PAK2: variants seen among roughly 807,000 people sequenced by gnomAD.
PAK2 encodes the protein serine/threonine-protein kinase PAK 2.
In PAK2, 21 loss-of-function variants were observed where a neutral mutation model predicts 65.9. The observed-to-expected ratio is 0.32, with a 90% CI of 0.23 to 0.46. The LOEUF (loss-of-function observed/expected upper bound fraction) is 0.46, where lower values mean the gene tolerates loss of function less well. PAK2 is among the 20% of genes least tolerant of loss of function. The probability of loss-of-function intolerance (pLI) is 1.00; values close to 1 mark genes in which losing one functional copy is unlikely to be tolerated. For synonymous variants in PAK2, 204 were observed against 219.7 expected (o/e 0.93, Z 0.63); for missense variants, 324 against 642.6 (o/e 0.50, Z 5.36).
chr3:196,796,979 A>G (rs927169689), intron 2 of PAK2, among the ~76,000 whole-genome samples: 2 of 152,230 alleles, frequency 1.3e-5, no homozygotes, highest in African/African-American at 2.4e-5. Context: ...GACAAATTCA[A>G]TTATAATCGG....
intron 7 of PAK2, among the ~76,000 whole-genome samples, chr3:196,808,278 T>C (rs754078216): frequency 2.0e-5 from 3 of 150,994 alleles, no homozygotes; most frequent in Admixed American, 6.6e-5. Context: ...GATTGCGTCG[T>C]TGGGCTGGGC....
intron 13 of PAK2, among the ~76,000 whole-genome samples, chr3:196,826,006 G>T (rs1015947250): frequency 3.6e-5 from 2 of 54,882 alleles, no homozygotes; most frequent in Non-Finnish European, 6.5e-5. Context: ...ACCACACCCA[G>T]CTAATTGTTT....
intron 2 of PAK2, among the ~76,000 whole-genome samples, chr3:196,790,563 A>G (rs925546986): frequency 2.6e-5 from 4 of 152,172 alleles, no homozygotes; most frequent in African/African-American, 9.7e-5. Flanking sequence ...TTTATGAAAC[A>G]TGAACAGATT....
chr3:196,775,277 C>G (rs1714498519), intron 1 of PAK2, among the ~76,000 whole-genome samples: 1 of 152,158 alleles, frequency 6.6e-6, no homozygotes, highest in Non-Finnish European at 1.5e-5. Flanking sequence ...CTAAAAAGTT[C>G]CGAAAAACAC....
intron 1 of PAK2, among the ~76,000 whole-genome samples, chr3:196,772,638 C>T (rs1265377693): frequency 6.6e-6 from 1 of 152,182 alleles, no homozygotes; most frequent in East Asian, 1.9e-4. Flanking sequence ...CATGAGAACA[C>T]TCTTGCTTCA....
chr3:196,741,053 T>TA (rs1245422369), intron 1 of PAK2, among the ~76,000 whole-genome samples: 1 of 152,212 alleles, frequency 6.6e-6, no homozygotes, highest in African/African-American at 2.4e-5. Flanking sequence ...CTCCGGTTGA[T>TA]ATCATTATCT....
Position 196,803,121 on chromosome 3 carries a change from C to T in PAK2, c.393C>T (p.Asp131=), listed in dbSNP as rs1715471732. 1.2e-6 allele frequency: 2 copies of T among 1,612,360 alleles called. No individual in the cohort carries two copies. Reference sequence around the variant, plus strand: ...TGCTGGATGTCCTAAAGTTCTACGACTCCAACACAGTGAAGCAGAAATATC... The same window carrying T: ...TGCTGGATGTCCTAAAGTTCTACGATTCCAACACAGTGAAGCAGAAATATC... ...QAVLDVLKFY[D]SNTVKQKYLS... The change falls in exon 4 of 15, where the codon GAC becomes GAT. Residue 131 remains aspartate (D), a synonymous_variant. Transcript: ENST00000327134.
chr3:196,774,429 G>A (rs192494736), intron 1 of PAK2, among the ~76,000 whole-genome samples: 1 of 152,080 alleles, frequency 6.6e-6, no homozygotes, highest in African/African-American at 2.4e-5. Context: ...TGTGTAACTC[G>A]AGTTTAGAGG....
chr3:196,815,448 C>T (rs572864960), intron 11 of PAK2, among the ~76,000 whole-genome samples: 312 of 149,772 alleles, frequency 2.1e-3, no homozygotes, highest in Non-Finnish European at 2.6e-3. Context: ...GCCAAAATTG[C>T]GCCACCGCAC....
At position 196,808,029 on chromosome 3, in the gene PAK2, T is replaced by C. The variant is rs141931038; in HGVS notation, c.709+115T>C. On this transcript the variant is annotated intron_variant, in intron 7 of 14. Coordinates refer to ENST00000327134, the MANE Select transcript of PAK2 (RefSeq NM_002577.4). ...GTGACTTAAAGTATAAAGAATAAAT[T>C]GTTTCCTTATAGCAACAGTAGCTTC... The C allele has an allele frequency of 1.2e-5, 12 of 984,536 alleles. No individual in the cohort carries two copies. The East Asian group carries it at 2.4e-4, about 20-fold the overall frequency. 61.0% of individuals were successfully genotyped at this position (984,536 alleles called of 1,614,324 possible).
chr3:196,813,694 G>A (rs1220425418), intron 10 of PAK2, among the ~76,000 whole-genome samples: 2 of 152,120 alleles, frequency 1.3e-5, no homozygotes, highest in Non-Finnish European at 2.9e-5. Flanking sequence ...GCTCACGCCT[G>A]TAATCCCAGC....
intron 1 of PAK2, among the ~76,000 whole-genome samples, chr3:196,759,525 T>TTTTTTTTTTTTTTTTG (rs1560092904): frequency 4.6e-5 from 6 of 131,624 alleles, no homozygotes; most frequent in Non-Finnish European, 9.7e-5. Flanking sequence ...TTTTTTTTTT[T>TTTTTTTTTTTTTTTTG]TTTTTTTTTT....
chr3:196,827,349 A>C lies in PAK2; in HGVS notation c.1488+16A>C, dbSNP rs778293099. The C allele has an allele frequency of 2.5e-6, 4 of 1,597,168 alleles. No individual in the cohort carries two copies. Among genetic ancestry groups the C allele is most frequent in the Non-Finnish European group, 1.7e-6 (2 of 1,174,020 alleles). ...ATTATTACAGGTAAATTTAAAAATG[A>C]TTTCATTTGGGGGAATAGTTGACTT... is the stretch of plus-strand genomic sequence containing the variant. On this transcript the variant is annotated intron_variant, in intron 14 of 14. Transcript: ENST00000327134.
chr3:196,751,667 T>TACATA (rs1560089766), intron 1 of PAK2, among the ~76,000 whole-genome samples: 1 of 45,108 alleles, frequency 2.2e-5, no homozygotes, highest in East Asian at 4.4e-4. Context: ...ACAAATTTAT[T>TACATA]TATATACATA....
chr3:196,766,338 G>T (rs369887810), intron 1 of PAK2, among the ~76,000 whole-genome samples: 4 of 152,072 alleles, frequency 2.6e-5, no homozygotes, highest in Admixed American at 1.3e-4. Flanking sequence ...TAATAACCCG[G>T]TCATAATCTG....
At chr3:196,766,563 T>C (rs935390583) in intron 1 of PAK2, among the ~76,000 whole-genome samples, 6 of 152,200 alleles carry the variant, frequency 3.9e-5, no homozygotes, top group African/African-American at 1.2e-4. Context: ...GATCAGTGGA[T>C]GGCTATCTTA....
At position 196,759,498 on chromosome 3, in the gene PAK2, G is replaced by GTTTTTTTTTTTTTTTT. The variant is rs71301221; in HGVS notation, c.-22+19365_-22+19380dup. The stretch of plus-strand genomic sequence containing the variant: ...GGTATACAGTTAAGTGGTTTTTTTT[G>GTTTTTTTTTTTTTTTT]TTTTTTTTTTTTTTTTTTTTTTTTT... On this transcript the variant is annotated intron_variant, in intron 1 of 14. Transcript: ENST00000327134. 6.1e-4 allele frequency among the ~76,000 whole-genome samples: 66 copies of GTTTTTTTTTTTTTTTT among 108,144 alleles called. 5 individuals are homozygous for GTTTTTTTTTTTTTTTT. Among genetic ancestry groups the GTTTTTTTTTTTTTTTT allele is most frequent in the Non-Finnish European group, 7.9e-4 (44 of 55,422 alleles). The allele number at this position is 108,144 out of a possible 152,430, so 70.9% of individuals were successfully genotyped here.
chr3:196,741,090 C>T (rs1713176987), intron 1 of PAK2, among the ~76,000 whole-genome samples: 1 of 152,124 alleles, frequency 6.6e-6, no homozygotes, highest in African/African-American at 2.4e-5. Flanking sequence ...GCGATGTGTC[C>T]TTTCTTTGTT....
At chr3:196,780,498 C>T (rs578034203) in intron 1 of PAK2, among the ~76,000 whole-genome samples, 2 of 152,290 alleles carry the variant, frequency 1.3e-5, no homozygotes, top group African/African-American at 4.8e-5. Flanking sequence ...GATGTACTCC[C>T]TATCAGGAGA....
Sources: allele counts gnomAD v4.1 joint callset (sites outside exome capture counted in the v4.1 genomes callset), GRCh38; gene constraint gnomAD v4.1.1; transcripts MANE v1.5; gene names NCBI Gene and HGNC (gene_info 2026-07-23, HGNC 2026-07-21).